Variants in SCRG1 observed in about 807,000 individuals in gnomAD.
SCRG1 encodes the protein scrapie-responsive protein 1.
Under a neutral mutation model 7.7 loss-of-function variants are expected in SCRG1, and 3 were observed. The observed-to-expected ratio is 0.39, with a 90% CI of 0.18 to 1.01. The LOEUF is 1.01. Ranked by LOEUF, SCRG1 falls within the 50% of genes least tolerant of loss-of-function variation. The pLI is 0.36. For synonymous variants in SCRG1, 46 were observed against 41.2 expected (o/e 1.12, Z -0.44); for missense variants, 110 against 117.2 (o/e 0.94, Z 0.28).
chr4:173,482,098 T>C, the SCRG1 span, among the ~76,000 whole-genome samples: 1 of 152,176 alleles, frequency 6.6e-6, no homozygotes, highest in Admixed American at 6.6e-5. Flanking sequence ...CATTATAAAA[T>C]TGCTGGAATT....
chr4:173,398,491 A>G (rs773353480), intron 1 of SCRG1: 2 of 152,234 alleles, frequency 1.3e-5, no homozygotes, highest in Non-Finnish European at 2.9e-5. Context: ...TCAGAGGGAA[A>G]AAGTGTTCTC....
chr4:173,444,829 C>T, the SCRG1 span, among the ~76,000 whole-genome samples: 9 of 152,096 alleles, frequency 5.9e-5, no homozygotes, highest in African/African-American at 1.7e-4. Flanking sequence ...AGAGAATCTC[C>T]GAGAAGAGAG....
the SCRG1 span, among the ~76,000 whole-genome samples, chr4:173,488,048 C>T: frequency 1.6e-4 from 24 of 151,424 alleles, no homozygotes; most frequent in African/African-American, 4.1e-4. Context: ...TGCAGTAAGC[C>T]GAGATTACAC....
At chr4:173,411,865 C>T in the SCRG1 span, among the ~76,000 whole-genome samples, 4 of 152,266 alleles carry the variant, frequency 2.6e-5, no homozygotes, top group South Asian at 4.1e-4. Flanking sequence ...CTCCTTGTGT[C>T]GATGGTTATT....
Position 173,384,921 on chromosome 4 carries a change from G to A in SCRG1, c.*3420C>T, listed in dbSNP as rs1739206275. On this transcript the variant is annotated 3_prime_UTR_variant, in exon 3 of 3. Transcript: ENST00000296506. ...TATCCATGTAAAAGTTTGCCTTTCT[G>A]TAAAGGAAATAATGCATTAGGTAAT... 1 of 152,148 alleles carries A rather than the reference G, an allele frequency of 6.6e-6. No homozygotes were observed. The highest frequency in any genetic ancestry group is 6.5e-5 in the Admixed American group (1 of 15,278). 9.4% of individuals were successfully genotyped at this position (152,148 alleles called of 1,614,324 possible). A position where few individuals can be genotyped will look rare whatever the true frequency, so the allele number is the denominator to read the frequency against.
chr4:173,398,880 T>A (rs1255246876), intron 1 of SCRG1, among the ~76,000 whole-genome samples, 188 bp downstream of exon 1: 1 of 152,224 alleles, frequency 6.6e-6, no homozygotes, highest in Admixed American at 6.5e-5. Context: ...TGTTCTTTTT[T>A]AATCTGATTA....
chr4:173,505,406 AGATTCTTGTACT>A, the SCRG1 span, among the ~76,000 whole-genome samples: 3 of 152,280 alleles, frequency 2.0e-5, no homozygotes, highest in South Asian at 2.1e-4. This position sits in a 1 kb window ranked among gnomAD's most constrained non-coding sequence, Gnocchi z 4.4. Flanking sequence ...CATCAGTACA[AGATTCTTGTACT>A]GATTCTTGTA....
chr4:173,429,925 A>G, the SCRG1 span, among the ~76,000 whole-genome samples: 47 of 152,206 alleles, frequency 3.1e-4, no homozygotes, highest in Non-Finnish European at 4.9e-4. Context: ...AAGCTAAAAT[A>G]TAATAAGCAT....
the SCRG1 span, among the ~76,000 whole-genome samples, chr4:173,501,922 C>T: frequency 1.3e-5 from 2 of 152,164 alleles, no homozygotes; most frequent in Non-Finnish European, 1.5e-5. This position sits in a 1 kb window ranked among gnomAD's most constrained non-coding sequence, Gnocchi z 5.1. Context: ...GATCTATTGT[C>T]TCAGCACCTA....
the SCRG1 span, among the ~76,000 whole-genome samples, chr4:173,472,186 A>G: frequency 4.6e-5 from 7 of 152,248 alleles, no homozygotes; most frequent in African/African-American, 1.7e-4. Flanking sequence ...TTCAATGTCT[A>G]AAATATGGCC....
chr4:173,495,146 A>G, the SCRG1 span, among the ~76,000 whole-genome samples: 2 of 152,254 alleles, frequency 1.3e-5, no homozygotes, highest in Non-Finnish European at 2.9e-5. Context: ...TGCCTTAGAC[A>G]TTACCATTTC....
At chr4:173,406,602 T>C (rs1739912744), upstream of SCRG1, among the ~76,000 whole-genome samples, 1 of 152,148 alleles carries the variant, frequency 6.6e-6, no homozygotes. Context: ...TGCCCTAAAA[T>C]ATCTCCTGTG....
At chr4:173,476,696 C>T in the SCRG1 span, among the ~76,000 whole-genome samples, 1 of 152,096 alleles carries the variant, frequency 6.6e-6, no homozygotes, top group Non-Finnish European at 1.5e-5. Flanking sequence ...GCATGGTGGC[C>T]TGTAGTCCTA....
At chr4:173,426,382 C>T in the SCRG1 span, among the ~76,000 whole-genome samples, 1 of 152,328 alleles carries the variant, frequency 6.6e-6, no homozygotes, top group Non-Finnish European at 1.5e-5. Context: ...ACTTTCAACT[C>T]CATCCACCAC....
the SCRG1 span, among the ~76,000 whole-genome samples, chr4:173,447,410 G>A: frequency 3.3e-5 from 5 of 152,116 alleles, no homozygotes; most frequent in Non-Finnish European, 5.9e-5. Context: ...TCAGTCCATC[G>A]CAGCTTCCCA....
intron 2 of SCRG1, among the ~76,000 whole-genome samples, chr4:173,390,304 T>A (rs1197082984): frequency 6.6e-6 from 1 of 152,194 alleles, no homozygotes; most frequent in Non-Finnish European, 1.5e-5. Flanking sequence ...ATATTTAAGC[T>A]TAAAATATAA....
chr4:173,499,440 A>T, the SCRG1 span, among the ~76,000 whole-genome samples: 147 of 152,364 alleles, frequency 9.6e-4, no homozygotes, highest in African/African-American at 3.3e-3. This position sits in a 1 kb window ranked among gnomAD's most constrained non-coding sequence, Gnocchi z 4.1. Context: ...AATAGTAGTA[A>T]TAATAGTAAT....
At chr4:173,495,790 A>C in the SCRG1 span, among the ~76,000 whole-genome samples, 1 of 152,244 alleles carries the variant, frequency 6.6e-6, no homozygotes, top group Non-Finnish European at 1.5e-5. Flanking sequence ...TGTGCCAGGC[A>C]CTAAAGCCTG....
At chr4:173,515,261 C>G in the SCRG1 span, among the ~76,000 whole-genome samples, 10 of 152,242 alleles carry the variant, frequency 6.6e-5, no homozygotes, top group East Asian at 1.9e-3. The surrounding 1 kb of genome is among the most constrained non-coding windows in gnomAD (Gnocchi z 4.6). Flanking sequence ...CCCTGCCCCC[C>G]GCCAAAGAAT....
Sources: gnomAD v4.1 joint callset for allele counts (sites outside exome capture counted in the v4.1 genomes callset) on GRCh38, gnomAD v4.1.1 for gene constraint, Gnocchi (gnomAD v3.1) non-coding constraint, MANE v1.5 for transcripts, NCBI Gene and HGNC (gene_info 2026-07-23, HGNC 2026-07-21) for gene names.